The following DLGAP2 variants were observed in gnomAD, a reference collection of about 807,000 sequenced individuals.
DLGAP2 encodes the protein DLG associated protein 2.
Under a neutral mutation model 100.3 loss-of-function variants are expected in DLGAP2, and 26 were observed. The ratio of observed to expected loss-of-function variants is 0.26; its 90% CI spans 0.19 to 0.36. The LOEUF is 0.36. DLGAP2 is among the 10% of genes least tolerant of loss of function. The pLI, the probability that DLGAP2 is intolerant of heterozygous loss-of-function variation, is 1.00. For synonymous variants in DLGAP2, 886 were observed against 630.1 expected (o/e 1.41, Z -6.08); for missense variants, 1,858 against 1,453.2 (o/e 1.28, Z -4.53).
intron 3 of DLGAP2, among the ~76,000 whole-genome samples, chr8:1,444,841 G>A (rs1286697938): frequency 2.8e-5 from 4 of 144,338 alleles, no homozygotes; most frequent in African/African-American, 5.2e-5. Context: ...GTGCAGTGGC[G>A]TGACCTCGGC....
chr8:768,331 C>T (rs999860118), intron 1 of DLGAP2, among the ~76,000 whole-genome samples: 1 of 150,796 alleles, frequency 6.6e-6, no homozygotes, highest in Non-Finnish European at 1.5e-5. Context: ...GTCACTCAGA[C>T]AAATTACTCA....
At chr8:1,168,961 C>A (rs1797072431) in intron 2 of DLGAP2, among the ~76,000 whole-genome samples, 1 of 144,376 alleles carries the variant, frequency 6.9e-6, no homozygotes, top group African/African-American at 2.6e-5. Flanking sequence ...TTGCCCATGC[C>A]TATGTCCTGA....
intron 3 of DLGAP2, among the ~76,000 whole-genome samples, chr8:1,293,603 G>T (rs577846761): frequency 6.6e-6 from 1 of 152,210 alleles, no homozygotes; most frequent in South Asian, 2.1e-4. Context: ...ATTTGTCACA[G>T]CCTCAGCCAT....
At chr8:1,215,307 C>T (rs951809078) in intron 2 of DLGAP2, among the ~76,000 whole-genome samples, 3 of 152,238 alleles carry the variant, frequency 2.0e-5, no homozygotes, top group African/African-American at 7.2e-5. Flanking sequence ...TCAGCACCTT[C>T]TGAGCATGAT....
At chr8:964,728 C>T (rs984381172) in intron 2 of DLGAP2, among the ~76,000 whole-genome samples, 7 of 152,180 alleles carry the variant, frequency 4.6e-5, no homozygotes, top group Admixed American at 3.3e-4. Flanking sequence ...TGGACATTTG[C>T]TCTCAAGGGT....
intron 1 of DLGAP2, among the ~76,000 whole-genome samples, chr8:752,090 A>G (rs1189127847): frequency 6.6e-6 from 1 of 152,156 alleles, no homozygotes; most frequent in East Asian, 1.9e-4. Flanking sequence ...TCACTCACCC[A>G]GTTTTCATCT....
intron 1 of DLGAP2, among the ~76,000 whole-genome samples, chr8:840,344 C>G (rs140823935): frequency 9.4e-6 from 1 of 106,380 alleles, no homozygotes; most frequent in Non-Finnish European, 1.9e-5. Context: ...TTGGATTCTG[C>G]GAGCGCGTCT....
In DLGAP2 at chr8:1,501,369, A is replaced by G; in HGVS notation, c.110A>G (p.Glu37Gly). The change falls in exon 4 of 15, where the codon GAA (glutamate) becomes GGA (glycine). Residue 37 changes from glutamate (E) to glycine (G), a missense_variant. Transcript: ENST00000637795. ...GACTTTGTTTCTGTCTTTGCAGAGG[A>G]AGAAGCTGGAGACTTGGTCCAGCCG... ...QCTLCGEPEE[E>G]EAGDLVQPGI... 1 of 1,535,872 alleles carries G rather than the reference A, an allele frequency of 6.5e-7. No individual in the cohort carries two copies. The highest frequency in any genetic ancestry group is 8.7e-7 in the Non-Finnish European group (1 of 1,146,742).
intron 2 of DLGAP2, among the ~76,000 whole-genome samples, chr8:1,211,091 TG>T (rs1232345111): frequency 6.6e-6 from 1 of 152,208 alleles, no homozygotes. Context: ...GGATGAGCTG[TG>T]GTTTGAGGAC....
At chr8:1,547,832 C>T (rs1397844972) in intron 4 of DLGAP2, among the ~76,000 whole-genome samples, 2 of 152,178 alleles carry the variant, frequency 1.3e-5, no homozygotes, top group African/African-American at 2.4e-5. Flanking sequence ...CAGATGGGAC[C>T]TCGAGAAAGC....
At chr8:1,465,866 A>G (rs568950628) in intron 3 of DLGAP2, among the ~76,000 whole-genome samples, 6 of 152,224 alleles carry the variant, frequency 3.9e-5, no homozygotes, top group East Asian at 1.9e-4. Context: ...GGGACTCACA[A>G]TGAGAAAGGT....
chr8:1,453,979 C>T (rs1054715058), intron 3 of DLGAP2, among the ~76,000 whole-genome samples: 4 of 152,214 alleles, frequency 2.6e-5, no homozygotes, highest in Non-Finnish European at 5.9e-5. Context: ...GTGGCGCAGG[C>T]GATGTCGGCT....
intron 2 of DLGAP2, among the ~76,000 whole-genome samples, chr8:1,212,097 G>A (rs1009879325): frequency 3.3e-5 from 5 of 152,230 alleles, no homozygotes; most frequent in African/African-American, 1.2e-4. Flanking sequence ...TAAACCTGGG[G>A]ATGTGCAGTG....
intron 2 of DLGAP2, among the ~76,000 whole-genome samples, chr8:1,122,728 C>T (rs376359088): frequency 5.3e-5 from 8 of 152,144 alleles, no homozygotes; most frequent in African/African-American, 1.7e-4. Context: ...CTCTTTCCCT[C>T]TCATTTCCTC....
At chr8:1,091,133 A>C (rs1226516928) in intron 2 of DLGAP2, among the ~76,000 whole-genome samples, 1 of 152,122 alleles carries the variant, frequency 6.6e-6, no homozygotes, top group Non-Finnish European at 1.5e-5. Flanking sequence ...GGAGAGCCAG[A>C]AGCACACAGC....
At chr8:956,119 T>C (rs1429626780) in intron 2 of DLGAP2, among the ~76,000 whole-genome samples, 2 of 152,200 alleles carry the variant, frequency 1.3e-5, no homozygotes, top group Non-Finnish European at 2.9e-5. Context: ...ACCAAGCACA[T>C]TGTATAAAGC....
intron 1 of DLGAP2, chr8:753,743 C>T (rs893775524): frequency 3.3e-5 from 5 of 152,256 alleles, no homozygotes; most frequent in African/African-American, 1.2e-4. Context: ...TCCACAGACA[C>T]ACTTGCGTGT....
At chr8:1,353,264 CAT>C (rs1351236924) in intron 3 of DLGAP2, among the ~76,000 whole-genome samples, 2 of 152,214 alleles carry the variant, frequency 1.3e-5, no homozygotes, top group Non-Finnish European at 1.5e-5. Context: ...TCTCTAGACA[CAT>C]GTGAACAGAG....
chr8:848,893 GCGCGGTGCCTGTTCCAGCATAGGA>G (rs1563061869), intron 1 of DLGAP2, among the ~76,000 whole-genome samples: 14 of 135,920 alleles, frequency 1.0e-4, no homozygotes, highest in Admixed American at 1.5e-4. Context: ...GCATAGGAAC[GCGCGGTGCCTGTTCCAGCATAGGA>G]ACGCGCGGTG....
Sources: allele counts gnomAD v4.1 joint callset (sites outside exome capture counted in the v4.1 genomes callset), GRCh38; gene constraint gnomAD v4.1.1; transcripts MANE v1.5; gene names NCBI Gene and HGNC (gene_info 2026-07-23, HGNC 2026-07-21).